Variants in ODAD2 observed in about 807,000 individuals in gnomAD.
ODAD2 encodes outer dynein arm docking complex subunit 2.
ODAD2 carries 89 observed loss-of-function variants against 106.8 expected under a neutral mutation model. That is an observed-to-expected ratio of 0.83 (90% confidence interval 0.70 to 0.99). The LOEUF (loss-of-function observed/expected upper bound fraction) is 0.99. Ranked by LOEUF, ODAD2 falls within the 50% of genes least tolerant of loss-of-function variation. The probability of loss-of-function intolerance (pLI) is 0.00; values close to 1 mark genes in which losing one functional copy is unlikely to be tolerated. For missense variants in ODAD2, 1,168 were observed against 1,238.5 expected, an observed-to-expected ratio of 0.94 and a Z score of 0.85; for synonymous variants, 404 against 436.2, an observed-to-expected ratio of 0.93 and a Z score of 0.92.
chr10:27,925,120 C>T (rs958741776), intron 16 of ODAD2, among the ~76,000 whole-genome samples: 2 of 151,702 alleles, frequency 1.3e-5, no homozygotes, highest in Non-Finnish European at 2.9e-5. Flanking sequence ...AATATTATTA[C>T]AAAAATGCTA....
chr10:27,994,181 T>G (rs1483759283), intron 2 of ODAD2, among the ~76,000 whole-genome samples: 1 of 152,034 alleles, frequency 6.6e-6, no homozygotes, highest in Non-Finnish European at 1.5e-5. Flanking sequence ...GAAGTAAATT[T>G]TTTTTCATCT....
At chr10:27,987,343 T>G (rs748623134) in intron 3 of ODAD2, 43 bp downstream of exon 3, 15 of 1,580,742 alleles carry the variant, frequency 9.5e-6, no homozygotes, top group Non-Finnish European at 1.3e-5. Flanking sequence ...CCAGCAAGAT[T>G]GTTTCTAAAA....
rs548342064 is a variant in ODAD2, at chr10:27,890,670, C to T, written c.2610+16993G>A. 2.6e-5 allele frequency among the ~76,000 whole-genome samples: 4 copies of T among 151,946 alleles called. No homozygotes were observed. In the East Asian group the frequency reaches 7.7e-4, roughly 29 times the overall value. ...GAAAGTGATAGATTTGAGCTATGGCCAGTGATTCTTTCGGCTGTGCTCTGA... is the reference window on the plus strand; with the variant it reads ...GAAAGTGATAGATTTGAGCTATGGCTAGTGATTCTTTCGGCTGTGCTCTGA... On this transcript the variant is annotated intron_variant, in intron 17 of 19. Coordinates refer to ENST00000305242, the MANE Select transcript of ODAD2 (RefSeq NM_018076.5).
intron 19 of ODAD2, among the ~76,000 whole-genome samples, chr10:27,813,876 G>A (rs1835925791): frequency 1.3e-5 from 2 of 152,124 alleles, no homozygotes; most frequent in African/African-American, 4.8e-5. Flanking sequence ...TGGAATAAAA[G>A]GTAAGGATAG....
At chr10:27,998,478 G>C (rs542717336) in intron 1 of ODAD2, among the ~76,000 whole-genome samples, 9 of 152,088 alleles carry the variant, frequency 5.9e-5, no homozygotes, top group Non-Finnish European at 1.2e-4. Flanking sequence ...AAGACGGGCT[G>C]GGGGAAGGAG....
intron 16 of ODAD2, among the ~76,000 whole-genome samples, chr10:27,913,267 T>TCTA (rs1844134622): frequency 1.3e-5 from 2 of 152,056 alleles, no homozygotes; most frequent in Admixed American, 1.3e-4. Flanking sequence ...AGTTTTTCGA[T>TCTA]CCTCACCCTC....
intron 9 of ODAD2, among the ~76,000 whole-genome samples, chr10:27,962,002 G>A (rs1848176592): frequency 6.6e-6 from 1 of 152,176 alleles, no homozygotes; most frequent in African/African-American, 2.4e-5. Context: ...AGGAGTCTGA[G>A]CTGCAGTAAA....
chr10:27,906,953 G>A (rs1226640141), intron 17 of ODAD2, among the ~76,000 whole-genome samples: 3 of 152,034 alleles, frequency 2.0e-5, no homozygotes, highest in East Asian at 1.9e-4. Flanking sequence ...CATGGCATGT[G>A]TATACCTATG....
At chr10:27,837,114 G>A (rs1195548749) in intron 19 of ODAD2, among the ~76,000 whole-genome samples, 2 of 152,104 alleles carry the variant, frequency 1.3e-5, no homozygotes, top group Non-Finnish European at 2.9e-5. Context: ...AAAATTTGTT[G>A]TCCACACAAT....
At position 27,845,212 on chromosome 10, in the gene ODAD2, CAG is replaced by C. The variant is rs1456303699; in HGVS notation, c.3021+15411_3021+15412del. Among the ~76,000 whole-genome samples the C allele has an allele frequency of 3.3e-5, 5 of 152,316 alleles. No homozygotes were observed. The East Asian group carries it at 9.6e-4, about 29-fold the overall frequency. On this transcript the variant is annotated intron_variant, in intron 19 of 19. Coordinates refer to ENST00000305242, the MANE Select transcript of ODAD2 (RefSeq NM_018076.5). Reference sequence around the variant, plus strand: ...CACAAAGGGAAGCCCATCAGACTAACAGAGGATCTCTTGGCAGAAACTATACA... The same window carrying C: ...CACAAAGGGAAGCCCATCAGACTAACAGGATCTCTTGGCAGAAACTATACA...
intron 10 of ODAD2, among the ~76,000 whole-genome samples, chr10:27,953,263 T>C (rs1032986643): frequency 7.2e-5 from 11 of 152,314 alleles, no homozygotes; most frequent in African/African-American, 1.2e-4. Context: ...CTGGAACTTA[T>C]TCATCTTTCA....
chr10:27,944,778 G>A, intron 11 of ODAD2, 38 bp downstream of exon 11: 3 of 1,613,310 alleles, frequency 1.9e-6, no homozygotes, highest in Non-Finnish European at 2.5e-6. Context: ...AGGAAGGTGG[G>A]AACAAGACTC....
At chr10:27,818,809 C>T (rs1836361345) in intron 19 of ODAD2, among the ~76,000 whole-genome samples, 1 of 152,092 alleles carries the variant, frequency 6.6e-6, no homozygotes, top group Non-Finnish European at 1.5e-5. Flanking sequence ...GAAATAAAGT[C>T]CTAGTCCATA....
chr10:27,935,906 A>T (rs1845943200), intron 15 of ODAD2, among the ~76,000 whole-genome samples: 1 of 152,120 alleles, frequency 6.6e-6, no homozygotes. Context: ...AGCATGCTAC[A>T]TAAAGGTAAA....
rs79935687 is a variant in ODAD2 at position 27,822,869 on chromosome 10, C to T, written c.3022-10244G>A. Among the ~76,000 whole-genome samples the T allele has an allele frequency of 6.8e-4, 104 of 152,294 alleles. No homozygotes were observed. In the East Asian group the frequency reaches 0.015, roughly 21 times the overall value. ...GGATCCAGTGCTCTTTCTGTGTGGA[C>T]ATTCCTAAGTTTATCCTCTGGGTTT... is the stretch of plus-strand genomic sequence containing the variant. On this transcript the variant is annotated intron_variant, in intron 19 of 19. Coordinates refer to ENST00000305242, the MANE Select transcript of ODAD2 (RefSeq NM_018076.5).
At chr10:27,827,240 T>C (rs1328951104) in intron 19 of ODAD2, among the ~76,000 whole-genome samples, 3 of 151,954 alleles carry the variant, frequency 2.0e-5, no homozygotes, top group African/African-American at 7.3e-5. Context: ...TCATGGTATG[T>C]CCTTCAACCT....
intron 2 of ODAD2, 46 bp from the exon 3 acceptor site, chr10:27,987,589 G>A (rs1312119775): frequency 1.5e-6 from 2 of 1,374,178 alleles, no homozygotes; most frequent in Non-Finnish European, 2.0e-6. Flanking sequence ...CTACCTAGAG[G>A]TCAGTAGAAG....
At chr10:27,941,398 T>C (rs930736815) in intron 12 of ODAD2, among the ~76,000 whole-genome samples, 3 of 151,234 alleles carry the variant, frequency 2.0e-5, no homozygotes, top group South Asian at 2.1e-4. Flanking sequence ...GGTGGGAGGA[T>C]TGTTTGGGCC....
At chr10:27,975,264 A>C (rs1444579458) in intron 7 of ODAD2, among the ~76,000 whole-genome samples, 1 of 152,190 alleles carries the variant, frequency 6.6e-6, no homozygotes, top group Non-Finnish European at 1.5e-5. Context: ...ACATTTTTTA[A>C]AAACTGGAGA....
Sources: allele counts gnomAD v4.1 joint callset (sites outside exome capture counted in the v4.1 genomes callset), GRCh38; gene constraint gnomAD v4.1.1; transcripts MANE v1.5; gene names NCBI Gene and HGNC (gene_info 2026-07-23, HGNC 2026-07-21).